Variants in RCN1 observed in about 807,000 individuals in gnomAD.
RCN1 encodes the protein reticulocalbin-1.
Under a neutral mutation model 34.7 loss-of-function variants are expected in RCN1, and 14 were observed. That is an observed-to-expected ratio of 0.40 (90% CI 0.27 to 0.63). RCN1 has a LOEUF of 0.63. Ranked by LOEUF, RCN1 falls within the 30% of genes least tolerant of loss-of-function variation. RCN1 has a pLI of 0.37. For missense variants in RCN1, 326 were observed against 425.1 expected (o/e 0.77, Z 2.05); for synonymous variants, 125 against 165.5 (o/e 0.76, Z 1.88).
At chr11:32,091,584 A>C in intron 1 of RCN1, 134 bp downstream of exon 1, 2 of 1,176,828 alleles carry the variant, frequency 1.7e-6, no homozygotes, top group Non-Finnish European at 2.3e-6. Context: ...GGCCCTGCCC[A>C]ACTCGGCGCT....
chr11:32,102,141 G>A (rs1326101403), intron 4 of RCN1: 1 of 152,192 alleles, frequency 6.6e-6, no homozygotes, highest in Non-Finnish European at 1.5e-5. Flanking sequence ...CAAGTGGAAA[G>A]TGTGTGGTGG....
At chr11:32,098,669 G>A (rs563087743) in intron 3 of RCN1, 141 bp downstream of exon 3, 22 of 710,976 alleles carry the variant, frequency 3.1e-5, no homozygotes, top group Middle Eastern at 2.7e-4. Flanking sequence ...TGGAATCCCC[G>A]TCTACCCAGA....
intron 2 of RCN1, 122 bp from the exon 3 acceptor site, chr11:32,098,228 A>C (rs982808618): frequency 5.9e-5 from 46 of 777,378 alleles, no homozygotes; most frequent in Non-Finnish European, 8.5e-5. Context: ...TAAAGAACTC[A>C]GTAGGTCGGG....
intron 5 of RCN1, among the ~76,000 whole-genome samples, chr11:32,103,769 T>C (rs1852075703): frequency 6.6e-6 from 1 of 152,164 alleles, no homozygotes; most frequent in African/African-American, 2.4e-5. Context: ...TTAAGAAGTA[T>C]ACCCCGTGTT....
chr11:32,092,398 G>C (rs223042), intron 1 of RCN1, among the ~76,000 whole-genome samples: 19,256 of 152,104 alleles, frequency 0.13, 1,217 homozygotes, highest in South Asian at 0.2. Flanking sequence ...GGAAACACGA[G>C]GGAGCAGGAA....
intron 4 of RCN1, 61 bp from the exon 5 acceptor site, chr11:32,103,220 G>C (rs1227820980): frequency 6.1e-6 from 9 of 1,485,780 alleles, no homozygotes; most frequent in South Asian, 1.1e-5. Flanking sequence ...TTGTTTTATG[G>C]GGGTGGGGGA....
Position 32,103,269 on chromosome 11 carries a change from C to T in RCN1, c.689-12C>T, listed in dbSNP as rs1425725708. 3 of 1,613,222 alleles carry T rather than the reference C, an allele frequency of 1.9e-6. No individual in the cohort carries two copies. In the South Asian group the frequency reaches 3.3e-5, roughly 18 times the overall value. ...ACTTTCCTTTGTAACCAACAATAAC[C>T]TTCCCTTCTAGCGGATATGTTTTCC... On this transcript the variant is annotated splice_polypyrimidine_tract_variant and intron_variant, in intron 4 of 5. Coordinates refer to ENST00000054950, the MANE Select transcript of RCN1 (RefSeq NM_002901.4).
intron 3 of RCN1, 39 bp from the exon 4 acceptor site, chr11:32,100,509 A>G (rs772818453): frequency 1.8e-5 from 27 of 1,524,180 alleles, no homozygotes; most frequent in Non-Finnish European, 1.5e-5. Context: ...CTTAGAGCAC[A>G]TGGCCATCTT....
Position 32,091,247 on chromosome 11 carries a change from GC to G in RCN1, c.52del (p.Leu18TrpfsTer67). 6.5e-7 allele frequency: 1 copy of G among 1,533,008 alleles called. No homozygotes were observed. The highest frequency in any genetic ancestry group is 8.8e-7 in the Non-Finnish European group (1 of 1,140,200). 95.0% of individuals were successfully genotyped at this position (1,533,008 alleles called of 1,614,324 possible). A position where few individuals can be genotyped will look rare whatever the true frequency, so the allele number is the denominator to read the frequency against. ...RRLGLALGLLLALVLAPRVLR... is the reference protein window; with the variant it reads ...RRLGLALGLLXALVLAPRVLR... ...GCCTGGGGTTAGCCCTGGGGCTGCTGCTGGCGCTGGTGCTGGCGCCGCGGGT... is the reference window on the plus strand; with the variant it reads ...GCCTGGGGTTAGCCCTGGGGCTGCTGTGGCGCTGGTGCTGGCGCCGCGGGT... On this transcript the variant is annotated frameshift_variant, in exon 1 of 6. Transcript: ENST00000054950. LOFTEE classifies it high-confidence loss of function.
rs556934664 is a variant in RCN1 at position 32,097,006 on chromosome 11, G to A, written c.255-138G>A. On this transcript the variant is annotated intron_variant, in intron 1 of 5. Coordinates refer to ENST00000054950, the MANE Select transcript of RCN1 (RefSeq NM_002901.4). Reference sequence around the variant, plus strand: ...TTCCTTCCAGCCTCCTTGGATCATTGATTCTGTTGTAGTTGTATGTGCATT... The same window carrying A: ...TTCCTTCCAGCCTCCTTGGATCATTAATTCTGTTGTAGTTGTATGTGCATT... 26 of 638,422 alleles carry A rather than the reference G, an allele frequency of 4.1e-5. No individual in the cohort carries two copies. In the South Asian group the frequency reaches 7.8e-4, roughly 19 times the overall value. The allele number at this position is 638,422 out of a possible 1,614,324, so 39.5% of individuals were successfully genotyped here. A position where few individuals can be genotyped will look rare whatever the true frequency, so the allele number is the denominator to read the frequency against.
intron 1 of RCN1, among the ~76,000 whole-genome samples, chr11:32,095,553 A>G (rs542599413): frequency 2.0e-4 from 30 of 152,058 alleles, no homozygotes; most frequent in East Asian, 3.9e-4. Context: ...GACTACAGGC[A>G]CCCGCCACCA....
intron 4 of RCN1, chr11:32,102,659 C>G (rs1852059198): frequency 4.8e-6 from 1 of 208,370 alleles, no homozygotes; most frequent in Admixed American, 5.3e-5. Context: ...TAGTACTAAA[C>G]ACAGTGGCTA....
rs769077772 is a variant in RCN1, at chr11:32,103,342, G to A, written c.750G>A (p.Glu250=). 1.9e-6 allele frequency: 3 copies of A among 1,613,722 alleles called. No homozygotes were observed. The highest frequency in any genetic ancestry group is 1.7e-6 in the Non-Finnish European group (2 of 1,179,694). ...CAGACTGGGTTTTATCAGAACGGGA[G>A]CAGTTTAACGAATTCCGGGATCTGA... ...PEPDWVLSER[E]QFNEFRDLNK... is the part of the protein sequence containing the mutation. Residue 250 remains glutamate, a synonymous_variant, in exon 5 of 6, where the codon GAG becomes GAA. Coordinates refer to ENST00000054950, the MANE Select transcript of RCN1 (RefSeq NM_002901.4).
chr11:32,101,253 A>G (rs1381530312), intron 4 of RCN1, among the ~76,000 whole-genome samples: 1 of 72,100 alleles, frequency 1.4e-5, no homozygotes, highest in Non-Finnish European at 2.9e-5. Context: ...CCCCCAGCCC[A>G]ACCCCCCGCT....
intron 1 of RCN1, 78 bp from the exon 2 acceptor site, chr11:32,097,066 C>G: frequency 8.4e-7 from 1 of 1,192,658 alleles, no homozygotes; most frequent in Admixed American, 3.5e-5. Flanking sequence ...TTTGCTGGAC[C>G]AGCATCACAC....
chr11:32,103,173 T>C, intron 4 of RCN1, 108 bp from the exon 5 acceptor site: 1 of 886,530 alleles, frequency 1.1e-6, no homozygotes, highest in South Asian at 1.5e-5. Flanking sequence ...GGTCTCTGGA[T>C]TGGTTGTCGC....
rs532911618 is a variant in RCN1 at position 32,100,684 on chromosome 11, C to T, written c.688+76C>T. 6 of 1,156,726 alleles carry T rather than the reference C, an allele frequency of 5.2e-6. No individual in the cohort carries two copies. The East Asian group carries it at 1.4e-4, about 27-fold the overall frequency. The allele number at this position is 1,156,726 out of a possible 1,614,324, so 71.7% of individuals were successfully genotyped here. On this transcript the variant is annotated intron_variant, in intron 4 of 5. Coordinates refer to ENST00000054950, the MANE Select transcript of RCN1 (RefSeq NM_002901.4). ...CCCCACCCACACGTCTGGCTACTTT[C>T]CCCAGACGTCTCTTTTAGCAACAGC...
At chr11:32,096,314 A>G (rs1050835174) in intron 1 of RCN1, among the ~76,000 whole-genome samples, 3 of 152,172 alleles carry the variant, frequency 2.0e-5, no homozygotes, top group Non-Finnish European at 4.4e-5. Flanking sequence ...TGGTCTAGAG[A>G]TGACAAAAGT....
chr11:32,094,929 AT>A (rs766422957), intron 1 of RCN1, among the ~76,000 whole-genome samples: 47 of 152,308 alleles, frequency 3.1e-4, no homozygotes, highest in Non-Finnish European at 6.2e-4. Context: ...GATCTTATTT[AT>A]TCTTACAACA....
Sources: allele counts gnomAD v4.1 joint callset (sites outside exome capture counted in the v4.1 genomes callset), GRCh38; gene constraint gnomAD v4.1.1; transcripts MANE v1.5; gene names NCBI Gene and HGNC (gene_info 2026-07-23, HGNC 2026-07-21).